DCDC1: variants seen among roughly 807,000 people sequenced by gnomAD.
DCDC1 encodes doublecortin domain containing 1.
DCDC1 carries 200 observed loss-of-function variants against 178.3 expected under a neutral mutation model. The ratio of observed to expected loss-of-function variants is 1.12; its 90% confidence interval spans 1.00 to 1.26. DCDC1 has a LOEUF of 1.26. Ranked by LOEUF, DCDC1 falls within the 50% of genes most tolerant of loss-of-function variation. The probability of loss-of-function intolerance (pLI) is 0.00; values close to 1 mark genes in which losing one functional copy is unlikely to be tolerated. For missense variants in DCDC1, 1,983 were observed against 1,749.2 expected, an observed-to-expected ratio of 1.13 and a Z score of -2.38; for synonymous variants, 690 against 604.8, an observed-to-expected ratio of 1.14 and a Z score of -2.07.
At chr11:31,048,900 C>G (rs1955058688) in intron 20 of DCDC1, among the ~76,000 whole-genome samples, 2 of 152,086 alleles carry the variant, frequency 1.3e-5, no homozygotes, top group African/African-American at 4.8e-5. Flanking sequence ...AATAGATACA[C>G]TGATGGGCAA....
chr11:31,313,171 T>C (rs1045350123), intron 3 of DCDC1, among the ~76,000 whole-genome samples: 2 of 152,186 alleles, frequency 1.3e-5, no homozygotes, highest in African/African-American at 4.8e-5. Flanking sequence ...GTTGTCTTTG[T>C]TTAGATTAAA....
chr11:31,136,807 T>C (rs1180307207), intron 10 of DCDC1, among the ~76,000 whole-genome samples: 1 of 152,156 alleles, frequency 6.6e-6, no homozygotes, highest in African/African-American at 2.4e-5. Context: ...ATTTCATTTA[T>C]GGACTATGCT....
chr11:31,203,952 C>G (rs1053033870), intron 9 of DCDC1, among the ~76,000 whole-genome samples: 2 of 152,198 alleles, frequency 1.3e-5, no homozygotes, highest in Admixed American at 6.5e-5. Flanking sequence ...TCAAGAGCAT[C>G]TACAAGGACC....
intron 22 of DCDC1, among the ~76,000 whole-genome samples, chr11:30,928,928 T>G (rs2134297292): frequency 6.6e-6 from 1 of 152,052 alleles, no homozygotes; most frequent in African/African-American, 2.4e-5. Flanking sequence ...AATTTAAAAT[T>G]TTTAGACTGA....
At chr11:31,011,282 A>T (rs1363666609) in intron 20 of DCDC1, among the ~76,000 whole-genome samples, 1 of 152,244 alleles carries the variant, frequency 6.6e-6, no homozygotes, top group Non-Finnish European at 1.5e-5. Flanking sequence ...CATTTAGCAC[A>T]GTCATGAAAG....
intron 9 of DCDC1, among the ~76,000 whole-genome samples, chr11:31,196,718 A>G (rs1970735325): frequency 6.6e-6 from 1 of 152,012 alleles, no homozygotes; most frequent in Non-Finnish European, 1.5e-5. Flanking sequence ...AACCACTCCA[A>G]ACCCACCATT....
chr11:31,068,217 A>G lies in DCDC1; in HGVS notation c.2299-3064T>C, dbSNP rs199969947. On this transcript the variant is annotated intron_variant, in intron 18 of 38. Coordinates refer to ENST00000684477, the MANE Select transcript of DCDC1 (RefSeq NM_001387274.1). Reference sequence around the variant, plus strand: ...CAATGAGTGTATTAACTATGTAATTATTTTTCTTTTTATGTCCTGACATAT... The same window carrying G: ...CAATGAGTGTATTAACTATGTAATTGTTTTTCTTTTTATGTCCTGACATAT... Among the ~76,000 whole-genome samples, 11 of 152,150 alleles carry G rather than the reference A, an allele frequency of 7.2e-5. 1 individual carries two copies. The East Asian group carries it at 1.9e-3, about 27-fold the overall frequency.
At chr11:31,089,798 GT>G (rs984289660) in intron 17 of DCDC1, among the ~76,000 whole-genome samples, 2 of 152,014 alleles carry the variant, frequency 1.3e-5, no homozygotes, top group African/African-American at 2.4e-5. Flanking sequence ...TATCTTCCAT[GT>G]ATTTAGTTAA....
intron 9 of DCDC1, among the ~76,000 whole-genome samples, chr11:31,230,673 T>C (rs1423633976): frequency 2.0e-5 from 3 of 152,194 alleles, no homozygotes; most frequent in South Asian, 2.1e-4. Flanking sequence ...ACTCACATGC[T>C]ATCTCAAAGA....
rs772413566 is a variant in DCDC1 at position 31,265,546 on chromosome 11, A to T, written c.1015T>A (p.Tyr339Asn). The change falls in exon 8 of 39, where the codon TAT (tyrosine) becomes AAT (asparagine). Residue 339 changes from tyrosine to asparagine, a missense_variant. Tyr to Asn is a moderately radical substitution (Grantham distance 143). Transcript: ENST00000684477. ...TCAATTTTTCTGCCATACAAATCAT[A>T]AAAATATCTGGCTGGTAAATTTAGA... ...MNLNLPARYF[Y>N]DLYGRKIEDI... 9.0e-6 allele frequency: 13 copies of T among 1,450,380 alleles called. No homozygotes were observed. In the East Asian group the frequency reaches 1.6e-4, roughly 18 times the overall value. The allele number at this position is 1,450,380 out of a possible 1,614,324, so 89.8% of individuals were successfully genotyped here.
chr11:31,213,225 T>G (rs972343169), intron 9 of DCDC1, among the ~76,000 whole-genome samples: 1 of 147,562 alleles, frequency 6.8e-6, no homozygotes, highest in African/African-American at 2.5e-5. Context: ...CTTCAGTCAC[T>G]TCACCCCAGT....
intron 21 of DCDC1, among the ~76,000 whole-genome samples, chr11:30,942,211 A>G (rs1165007225): frequency 6.6e-6 from 1 of 152,182 alleles, no homozygotes; most frequent in Non-Finnish European, 1.5e-5. Flanking sequence ...TGACAACTTC[A>G]TTGTATATTT....
intron 9 of DCDC1, among the ~76,000 whole-genome samples, chr11:31,151,006 A>C (rs1184193684): frequency 6.6e-6 from 1 of 152,194 alleles, no homozygotes. Flanking sequence ...ATGAGAACAA[A>C]GATGAGGAAG....
intron 21 of DCDC1, among the ~76,000 whole-genome samples, chr11:30,947,069 A>G (rs1436703384): frequency 6.6e-6 from 1 of 152,202 alleles, no homozygotes; most frequent in Non-Finnish European, 1.5e-5. Context: ...AAGAAAAATA[A>G]TCATTGAGGA....
intron 7 of DCDC1, chr11:31,281,061 T>G: frequency 2.1e-6 from 1 of 473,000 alleles, no homozygotes; most frequent in Non-Finnish European, 4.1e-6. Flanking sequence ...TAAATTTCAC[T>G]TTCTAATTGT....
At chr11:30,994,755 AT>A (rs1345208760) in intron 20 of DCDC1, among the ~76,000 whole-genome samples, 6 of 133,718 alleles carry the variant, frequency 4.5e-5, no homozygotes, top group Admixed American at 7.3e-5. Flanking sequence ...TAAATATATA[AT>A]ATATTTGTTT....
intron 9 of DCDC1, among the ~76,000 whole-genome samples, chr11:31,206,297 A>G (rs1971855508): frequency 6.6e-6 from 1 of 152,210 alleles, no homozygotes; most frequent in Non-Finnish European, 1.5e-5. Context: ...GATGTCAGGC[A>G]AAGTGAAATA....
At chr11:31,097,818 T>C (rs529228109) in intron 15 of DCDC1, among the ~76,000 whole-genome samples, 1 of 152,328 alleles carries the variant, frequency 6.6e-6, no homozygotes, top group South Asian at 2.1e-4. Flanking sequence ...TTCAATGACT[T>C]GCTCTCCAAA....
chr11:31,061,383 A>G (rs1955909205), intron 20 of DCDC1, among the ~76,000 whole-genome samples: 1 of 152,122 alleles, frequency 6.6e-6, no homozygotes, highest in Admixed American at 6.6e-5. Context: ...CAATGTACAC[A>G]CAACTTATTT....
Sources: allele counts gnomAD v4.1 joint callset (sites outside exome capture counted in the v4.1 genomes callset), GRCh38; gene constraint gnomAD v4.1.1; transcripts MANE v1.5; gene names NCBI Gene and HGNC (gene_info 2026-07-23, HGNC 2026-07-21).